CTNNA2: variants seen among roughly 807,000 people sequenced by gnomAD.
The protein encoded by CTNNA2 is catenin alpha 2.
CTNNA2 carries 42 observed loss-of-function variants against 101.0 expected under a neutral mutation model. The ratio of observed to expected loss-of-function variants is 0.42; its 90% CI spans 0.32 to 0.54. The LOEUF (loss-of-function observed/expected upper bound fraction) is 0.54, where lower values mean the gene tolerates loss of function less well. CTNNA2 is among the 20% of genes least tolerant of loss of function. The pLI is 0.14. For synonymous variants in CTNNA2, 450 were observed against 456.4 expected (o/e 0.99, Z 0.18); for missense variants, 871 against 1,223.1 (o/e 0.71, Z 4.29).
At chr2:80,567,939 G>A (rs925996804) in intron 12 of CTNNA2, among the ~76,000 whole-genome samples, 2 of 152,054 alleles carry the variant, frequency 1.3e-5, no homozygotes, top group African/African-American at 4.8e-5. Context: ...CAGGGGCTTT[G>A]TCTATTTTCT....
At chr2:80,287,194 A>G (rs1296902189) in intron 7 of CTNNA2, among the ~76,000 whole-genome samples, 1 of 152,084 alleles carries the variant, frequency 6.6e-6, no homozygotes, top group Admixed American at 6.6e-5. Flanking sequence ...CATCATGAAA[A>G]TTTTACTGAG....
At chr2:79,873,610 G>T (rs947801734) in intron 5 of CTNNA2, among the ~76,000 whole-genome samples, 4 of 152,156 alleles carry the variant, frequency 2.6e-5, no homozygotes, top group Admixed American at 6.5e-5. Flanking sequence ...ACATAGAAGG[G>T]ACAGTAGGCC....
At chr2:80,319,546 G>A (rs1010245472) in intron 7 of CTNNA2, among the ~76,000 whole-genome samples, 1 of 152,182 alleles carries the variant, frequency 6.6e-6, no homozygotes, top group African/African-American at 2.4e-5. Flanking sequence ...GGAGAACAAA[G>A]TACTGTTTAC....
At chr2:80,186,943 T>C (rs760058451) in intron 7 of CTNNA2, among the ~76,000 whole-genome samples, 4 of 152,234 alleles carry the variant, frequency 2.6e-5, no homozygotes, top group Non-Finnish European at 4.4e-5. Context: ...AGTACTAATC[T>C]ATGGGTGGTT....
chr2:80,469,724 G>T (rs1030884999), intron 9 of CTNNA2, among the ~76,000 whole-genome samples: 5 of 152,052 alleles, frequency 3.3e-5, no homozygotes, highest in African/African-American at 4.8e-5. Context: ...GGTACCTTAT[G>T]GGGGGTATAG....
At chr2:79,515,758 C>T (rs893896796) in intron 1 of CTNNA2, among the ~76,000 whole-genome samples, 9 of 152,214 alleles carry the variant, frequency 5.9e-5, no homozygotes, top group African/African-American at 2.2e-4. Flanking sequence ...CAGATAAAGA[C>T]TGACTTCCTC....
chr2:79,217,246 G>A (rs752594049), intron 2 of CTNNA2, among the ~76,000 whole-genome samples: 58 of 152,306 alleles, frequency 3.8e-4, no homozygotes, highest in Non-Finnish European at 5.4e-4. Flanking sequence ...GGAGCAAAGA[G>A]CAGGAGGACA....
chr2:79,334,697 G>A (rs1386108297), intron 3 of CTNNA2, among the ~76,000 whole-genome samples: 3 of 152,054 alleles, frequency 2.0e-5, no homozygotes, highest in Non-Finnish European at 4.4e-5. Flanking sequence ...TAGAGAGGGC[G>A]ATTCTTTGAC....
intron 18 of CTNNA2, among the ~76,000 whole-genome samples, chr2:80,646,078 ACCT>A (rs1674055706): frequency 6.6e-6 from 1 of 152,132 alleles, no homozygotes; most frequent in African/African-American, 2.4e-5. Context: ...ACTTCTGATA[ACCT>A]CAATACTGCG....
At chr2:80,623,087 T>G (rs534441334) in intron 18 of CTNNA2, among the ~76,000 whole-genome samples, 15 of 149,768 alleles carry the variant, frequency 1.0e-4, no homozygotes, top group Admixed American at 3.4e-4. Flanking sequence ...GAAGTTAGAT[T>G]ATGTTTGTTT....
intron 9 of CTNNA2, among the ~76,000 whole-genome samples, chr2:80,450,000 T>C (rs1390795819): frequency 6.6e-6 from 1 of 152,242 alleles, no homozygotes; most frequent in East Asian, 1.9e-4. Context: ...AAATTGATTA[T>C]TCAAGGTGTG....
intron 7 of CTNNA2, among the ~76,000 whole-genome samples, chr2:80,251,299 G>A (rs540320133): frequency 1.1e-3 from 165 of 152,208 alleles, no homozygotes; most frequent in Admixed American, 2.0e-3. Context: ...GTTAAATAAT[G>A]ATATTGAAAG....
intron 2 of CTNNA2, among the ~76,000 whole-genome samples, chr2:79,728,662 C>CT (rs1243893479): frequency 6.6e-6 from 1 of 152,142 alleles, no homozygotes; most frequent in African/African-American, 2.4e-5. Context: ...TGCCTATGTC[C>CT]TGAATGGTAA....
At chr2:79,556,808 G>A (rs536341149) in intron 1 of CTNNA2, among the ~76,000 whole-genome samples, 16 of 152,080 alleles carry the variant, frequency 1.1e-4, no homozygotes, top group Admixed American at 3.3e-4. Context: ...GTAAAGCAGT[G>A]TTTGGAAATG....
At chr2:79,723,146 G>A (rs2104874220) in intron 2 of CTNNA2, among the ~76,000 whole-genome samples, 1 of 148,092 alleles carries the variant, frequency 6.8e-6, no homozygotes, top group South Asian at 2.2e-4. Flanking sequence ...TTAGGTGAGT[G>A]TCTTTCCTAC....
At chr2:79,722,113 C>T (rs1686527160) in intron 2 of CTNNA2, among the ~76,000 whole-genome samples, 2 of 152,050 alleles carry the variant, frequency 1.3e-5, no homozygotes, top group South Asian at 2.1e-4. Context: ...CATGTGTCAC[C>T]ACTGATTCAT....
chr2:79,412,530 A>C (rs954787456), intron 4 of CTNNA2, among the ~76,000 whole-genome samples: 6 of 152,132 alleles, frequency 3.9e-5, no homozygotes, highest in African/African-American at 1.4e-4. Flanking sequence ...AAGAACAGAA[A>C]TTATAACAAA....
intron 4 of CTNNA2, among the ~76,000 whole-genome samples, chr2:79,415,504 A>G (rs1162567068): frequency 1.3e-5 from 2 of 152,152 alleles, no homozygotes; most frequent in Non-Finnish European, 2.9e-5. Flanking sequence ...TTTATTAAGC[A>G]CCTAATTCAC....
intron 7 of CTNNA2, among the ~76,000 whole-genome samples, chr2:80,261,314 T>C (rs1018122338): frequency 4.3e-4 from 66 of 152,098 alleles, no homozygotes; most frequent in African/African-American, 1.3e-3. Context: ...ATTTAGCTCC[T>C]AGGAATGGCT....
Sources: allele counts gnomAD v4.1 joint callset (sites outside exome capture counted in the v4.1 genomes callset), GRCh38; gene constraint gnomAD v4.1.1; transcripts MANE v1.5; gene names NCBI Gene and HGNC (gene_info 2026-07-23, HGNC 2026-07-21).